Variants in FRMD4A observed in about 807,000 individuals in gnomAD.
FRMD4A encodes the protein FERM domain-containing protein 4A.
In FRMD4A, 29 loss-of-function variants were observed where a neutral mutation model predicts 129.1. The ratio of observed to expected loss-of-function variants is 0.22; its 90% CI spans 0.17 to 0.31. The LOEUF (loss-of-function observed/expected upper bound fraction) is 0.31, where lower values mean the gene tolerates loss of function less well. FRMD4A is among the 10% of genes least tolerant of loss of function. FRMD4A has a pLI of 1.00. For missense variants in FRMD4A, 1,272 were observed against 1,375.8 expected (o/e 0.92, Z 1.19); for synonymous variants, 634 against 571.6 (o/e 1.11, Z -1.56).
rs545532507 is a variant in FRMD4A at position 13,648,551 on chromosome 10, A to G, written c.*3-1516T>C. 5 of 152,264 alleles carry G rather than the reference A, an allele frequency of 3.3e-5. No individual in the cohort carries two copies. The East Asian group carries it at 9.7e-4, about 29-fold the overall frequency. 9.4% of individuals were successfully genotyped at this position (152,264 alleles called of 1,614,324 possible). ...GGCCAATGAGAGTCCCCCGATCAAA[A>G]TCCCTGGTTCAAAGGTGGCCACGTG... is the stretch of plus-strand genomic sequence containing the variant. On this transcript the variant is annotated intron_variant, in intron 24 of 24. Transcript: ENST00000357447.
intron 15 of FRMD4A, among the ~76,000 whole-genome samples, chr10:13,690,381 G>T (rs996538387): frequency 6.6e-6 from 1 of 152,216 alleles, no homozygotes; most frequent in African/African-American, 2.4e-5. Flanking sequence ...TTATCCTCCT[G>T]GTGCAAGGAA....
At chr10:13,863,338 T>C (rs2094319487) in intron 2 of FRMD4A, among the ~76,000 whole-genome samples, 1 of 152,074 alleles carries the variant, frequency 6.6e-6, no homozygotes, top group African/African-American at 2.4e-5. Flanking sequence ...TCCTAGCCCT[T>C]TGGGAGGCCG....
chr10:14,049,109 T>G (rs1469001993), intron 2 of FRMD4A, among the ~76,000 whole-genome samples: 1 of 152,170 alleles, frequency 6.6e-6, no homozygotes, highest in Non-Finnish European at 1.5e-5. Context: ...AAAAAAGTCT[T>G]GGCTGTGTCT....
At chr10:14,083,085 C>G (rs140868017) in intron 2 of FRMD4A, 1 of 152,214 alleles carries the variant, frequency 6.6e-6, no homozygotes, top group Admixed American at 6.5e-5. Flanking sequence ...GCCCCTGCCT[C>G]GATCACTAAA....
intron 2 of FRMD4A, among the ~76,000 whole-genome samples, chr10:14,178,268 CA>C (rs1841799177): frequency 6.6e-6 from 1 of 152,260 alleles, no homozygotes; most frequent in African/African-American, 2.4e-5. Context: ...TCAGGGGTTG[CA>C]AAGTAAGCAT....
At chr10:14,083,695 G>A (rs1201130139) in intron 2 of FRMD4A, 1 of 152,222 alleles carries the variant, frequency 6.6e-6, no homozygotes, top group Admixed American at 6.5e-5. Context: ...ACCGATGGAT[G>A]AGGAGATGCT....
chr10:13,775,797 A>G (rs1010312251), intron 6 of FRMD4A, among the ~76,000 whole-genome samples: 18 of 152,200 alleles, frequency 1.2e-4, no homozygotes, highest in Admixed American at 4.6e-4. Flanking sequence ...ATCAAACCAA[A>G]GAGGAACGAG....
At chr10:14,126,479 A>G (rs1838848072) in intron 2 of FRMD4A, among the ~76,000 whole-genome samples, 1 of 151,940 alleles carries the variant, frequency 6.6e-6, no homozygotes, top group Non-Finnish European at 1.5e-5. Flanking sequence ...TGCCTTGCCC[A>G]CTTTTACCTA....
At chr10:13,683,007 T>C (rs1024272935) in intron 15 of FRMD4A, among the ~76,000 whole-genome samples, 1 of 152,082 alleles carries the variant, frequency 6.6e-6, no homozygotes, top group African/African-American at 2.4e-5. Flanking sequence ...TGCGTGATAG[T>C]GCAAGCATCA....
At chr10:14,123,944 C>A (rs1211382104) in intron 2 of FRMD4A, among the ~76,000 whole-genome samples, 1 of 152,164 alleles carries the variant, frequency 6.6e-6, no homozygotes, top group African/African-American at 2.4e-5. Flanking sequence ...TTCTGCAACC[C>A]ATTTGCTCCT....
At chr10:13,949,678 T>C (rs1264032106) in intron 2 of FRMD4A, among the ~76,000 whole-genome samples, 2 of 152,260 alleles carry the variant, frequency 1.3e-5, no homozygotes, top group Non-Finnish European at 2.9e-5. Context: ...CACAAATTTT[T>C]AGTCTTCACA....
rs12259122 is a variant in FRMD4A, at chr10:14,036,497, C to T, written c.46-177585G>A. 2.5e-3 allele frequency among the ~76,000 whole-genome samples: 388 copies of T among 152,288 alleles called. 4 individuals carry two copies. The highest frequency in any genetic ancestry group is 9.1e-3 in the African/African-American group (379 of 41,564). On this transcript the variant is annotated intron_variant, in intron 2 of 24. Transcript: ENST00000357447. ...CCAAGGGGAGCGGAGTATAGTGATG[C>T]TTGTTTCACTTCTTAACCCGGATTG...
intron 3 of FRMD4A, among the ~76,000 whole-genome samples, chr10:13,832,306 T>C (rs1407109611): frequency 6.6e-6 from 1 of 152,152 alleles, no homozygotes; most frequent in African/African-American, 2.4e-5. Flanking sequence ...GCATCAAGGA[T>C]TGTCCACTGC....
intron 2 of FRMD4A, among the ~76,000 whole-genome samples, chr10:14,111,275 T>G (rs1303615314): frequency 6.6e-6 from 1 of 152,236 alleles, no homozygotes; most frequent in Non-Finnish European, 1.5e-5. Context: ...CTTAGCATAA[T>G]GTCCTCCAGG....
Position 14,062,912 on chromosome 10 carries a change from C to T in FRMD4A, c.46-204000G>A, listed in dbSNP as rs74901791. On this transcript the variant is annotated intron_variant, in intron 2 of 24. Coordinates refer to ENST00000357447, the MANE Select transcript of FRMD4A (RefSeq NM_018027.5). ...GGGCAACCTACAGTGTCCATTAATC[C>T]ACACCAGTTGTCATTTTATTCCTCC... Among the ~76,000 whole-genome samples the T allele has an allele frequency of 7.8e-3, 1,193 of 152,292 alleles. 61 individuals carry two copies. The East Asian group carries it at 0.13, about 17-fold the overall frequency.
chr10:14,034,889 C>T (rs577401781), intron 2 of FRMD4A, among the ~76,000 whole-genome samples: 6 of 152,284 alleles, frequency 3.9e-5, no homozygotes, highest in Admixed American at 3.3e-4. Flanking sequence ...GGTGGGAGGA[C>T]ATGCCCAATA....
At chr10:14,282,054 A>C (rs372137577) in intron 2 of FRMD4A, among the ~76,000 whole-genome samples, 6 of 152,202 alleles carry the variant, frequency 3.9e-5, no homozygotes, top group Non-Finnish European at 7.3e-5. Context: ...GCAGCAGGCA[A>C]GAGAAAGAAT....
chr10:13,916,269 T>C (rs2095004143), intron 2 of FRMD4A, among the ~76,000 whole-genome samples: 1 of 152,204 alleles, frequency 6.6e-6, no homozygotes, highest in South Asian at 2.1e-4. Flanking sequence ...TGTAGATTGT[T>C]CACTTTGGCT....
At chr10:13,894,672 C>A (rs2094738066) in intron 2 of FRMD4A, among the ~76,000 whole-genome samples, 1 of 152,250 alleles carries the variant, frequency 6.6e-6, no homozygotes, top group South Asian at 2.1e-4. Context: ...CCCTACCCCA[C>A]TCTTTGGGTA....
Sources: allele counts gnomAD v4.1 joint callset (sites outside exome capture counted in the v4.1 genomes callset), GRCh38; gene constraint gnomAD v4.1.1; transcripts MANE v1.5; gene names NCBI Gene and HGNC (gene_info 2026-07-23, HGNC 2026-07-21).